NBAS: variants seen among roughly 807,000 people sequenced by gnomAD.
NBAS encodes NBAS subunit of NRZ tethering complex, also known as NAG/BC035112 fusion.
NBAS carries 219 observed loss-of-function variants against 302.5 expected under a neutral mutation model. The ratio of observed to expected loss-of-function variants is 0.72; its 90% CI spans 0.65 to 0.81. The LOEUF (loss-of-function observed/expected upper bound fraction) is 0.81, where lower values mean the gene tolerates loss of function less well. NBAS is among the 30% of genes least tolerant of loss of function. The probability of loss-of-function intolerance (pLI) is 0.00; values close to 1 mark genes in which losing one functional copy is unlikely to be tolerated. For synonymous variants in NBAS, 1,118 were observed against 1,021.6 expected (o/e 1.09, Z -1.80); for missense variants, 2,932 against 2,841.6 (o/e 1.03, Z -0.72).
chr2:14,965,335 T>C, the NBAS span, among the ~76,000 whole-genome samples: 1 of 152,064 alleles, frequency 6.6e-6, no homozygotes, highest in Admixed American at 6.5e-5. Flanking sequence ...AAACTACAAA[T>C]ATTAAGAATT....
Position 15,276,836 on chromosome 2 carries a change from A to C in NBAS, c.5389+15T>G, listed in dbSNP as rs1669602887. 8.1e-6 allele frequency: 13 copies of C among 1,613,872 alleles called. No homozygotes were observed. The highest frequency in any genetic ancestry group is 1.1e-5 in the Non-Finnish European group (13 of 1,179,888). ...TTGAAAAGAATGAATTCAAGCAGGG[A>C]AACAACCATCCTACCTGATGCAACA... On this transcript the variant is annotated intron_variant, in intron 43 of 51. Coordinates refer to ENST00000281513, the MANE Select transcript of NBAS (RefSeq NM_015909.4).
the NBAS span, among the ~76,000 whole-genome samples, chr2:14,948,013 T>C: frequency 6.6e-6 from 1 of 152,026 alleles, no homozygotes; most frequent in Non-Finnish European, 1.5e-5. Context: ...TTGTTGAATT[T>C]GGTTTGCTAG....
At chr2:15,133,161 T>G in the NBAS span, among the ~76,000 whole-genome samples, 161 of 152,340 alleles carry the variant, frequency 1.1e-3, no homozygotes, top group African/African-American at 3.6e-3. Context: ...CTGGTGCTTA[T>G]GTGTTGAAAG....
intron 30 of NBAS, among the ~76,000 whole-genome samples, chr2:15,376,411 G>A (rs1317347102): frequency 6.6e-6 from 1 of 152,152 alleles, no homozygotes; most frequent in Non-Finnish European, 1.5e-5. Context: ...AAAGATTGAG[G>A]TGAAATACAA....
chr2:15,097,841 T>C, the NBAS span, among the ~76,000 whole-genome samples: 1 of 144,106 alleles, frequency 6.9e-6, no homozygotes, highest in Non-Finnish European at 1.5e-5. Context: ...AGAGATTAAG[T>C]CAGATAATAT....
intron 21 of NBAS, among the ~76,000 whole-genome samples, chr2:15,439,145 CA>C (rs1323848920): frequency 1.3e-5 from 2 of 151,136 alleles, no homozygotes; most frequent in Admixed American, 1.3e-4. Flanking sequence ...AATACACACA[CA>C]AAAAAAATTA....
At chr2:14,855,620 T>C in the NBAS span, among the ~76,000 whole-genome samples, 1 of 152,080 alleles carries the variant, frequency 6.6e-6, no homozygotes, top group Admixed American at 6.5e-5. Flanking sequence ...GGAATATTGG[T>C]GGTAGTCTAG....
the NBAS span, among the ~76,000 whole-genome samples, chr2:14,798,067 C>T: frequency 1.3e-5 from 2 of 152,110 alleles, no homozygotes. Flanking sequence ...TTCTTCTTTT[C>T]TGCTCAAATA....
the NBAS span, among the ~76,000 whole-genome samples, chr2:14,807,154 C>A: frequency 1.1e-3 from 160 of 151,298 alleles, no homozygotes; most frequent in African/African-American, 3.8e-3. Context: ...GGGGGGTTCA[C>A]ATGCCTACTA....
intron 33 of NBAS, 95 bp downstream of exon 33, chr2:15,356,208 T>G (rs1673610204): frequency 7.7e-6 from 8 of 1,041,166 alleles, no homozygotes; most frequent in Non-Finnish European, 1.1e-5. Context: ...GTGGCTGGCT[T>G]ACCAATCAGG....
At chr2:14,822,546 C>A in the NBAS span, among the ~76,000 whole-genome samples, 1 of 152,070 alleles carries the variant, frequency 6.6e-6, no homozygotes, top group African/African-American at 2.4e-5. Flanking sequence ...GGTCATGAAC[C>A]CCAAGCAGGT....
At chr2:15,411,134 TG>T (rs1261554331) in intron 25 of NBAS, among the ~76,000 whole-genome samples, 3 of 152,216 alleles carry the variant, frequency 2.0e-5, no homozygotes, top group Non-Finnish European at 4.4e-5. Context: ...ATGGCTGTGG[TG>T]ACTCTGAAGC....
At chr2:14,869,537 C>A in the NBAS span, among the ~76,000 whole-genome samples, 3 of 152,224 alleles carry the variant, frequency 2.0e-5, no homozygotes, top group African/African-American at 2.4e-5. Context: ...TGAGACCAAC[C>A]ATATTCCCTA....
chr2:15,359,146 C>T (rs1475170534), intron 32 of NBAS, among the ~76,000 whole-genome samples: 1 of 144,458 alleles, frequency 6.9e-6, no homozygotes, highest in Non-Finnish European at 1.5e-5. Flanking sequence ...CCCACCCCAT[C>T]CCCCTTTTTG....
the NBAS span, among the ~76,000 whole-genome samples, chr2:15,078,813 G>A: frequency 6.6e-6 from 1 of 152,178 alleles, no homozygotes; most frequent in Non-Finnish European, 1.5e-5. Flanking sequence ...TTATCATTTG[G>A]ATGTATTTCT....
the NBAS span, among the ~76,000 whole-genome samples, chr2:14,963,058 C>T: frequency 3.9e-5 from 6 of 152,136 alleles, no homozygotes; most frequent in East Asian, 3.9e-4. Context: ...TATCTGAGGC[C>T]GGGAGTTTGA....
chr2:15,148,542 G>C, the NBAS span, among the ~76,000 whole-genome samples: 1,145 of 152,248 alleles, frequency 7.5e-3, 14 homozygotes, highest in African/African-American at 0.027. Context: ...CTAGGAATGG[G>C]AATATGCTCA....
At chr2:15,328,027 A>G (rs1672154644) in intron 37 of NBAS, among the ~76,000 whole-genome samples, 157 bp from the exon 38 acceptor site, 1 of 152,164 alleles carries the variant, frequency 6.6e-6, no homozygotes, top group South Asian at 2.1e-4. Context: ...TTTTAAACAG[A>G]TTTTAATCTC....
intron 44 of NBAS, among the ~76,000 whole-genome samples, chr2:15,266,690 C>T (rs1030184732): frequency 2.0e-5 from 3 of 152,048 alleles, no homozygotes; most frequent in African/African-American, 7.2e-5. Flanking sequence ...TTGTTGGTTT[C>T]CCCTCATCCT....
Sources: allele counts gnomAD v4.1 joint callset (sites outside exome capture counted in the v4.1 genomes callset), GRCh38; gene constraint gnomAD v4.1.1; transcripts MANE v1.5; gene names NCBI Gene and HGNC (gene_info 2026-07-23, HGNC 2026-07-21).